DST: variants seen among roughly 807,000 people sequenced by gnomAD.
DST encodes the protein dystonin.
Under a neutral mutation model 875.2 loss-of-function variants are expected in DST, and 253 were observed. The observed-to-expected ratio is 0.29, with a 90% CI of 0.26 to 0.32. DST has a LOEUF of 0.32. Ranked by LOEUF, DST falls within the 10% of genes least tolerant of loss-of-function variation. DST has a pLI of 1.00. For synonymous variants in DST, 3,124 were observed against 3,197.1 expected, an observed-to-expected ratio of 0.98 and a Z score of 0.77; for missense variants, 8,287 against 9,111.6, an observed-to-expected ratio of 0.91 and a Z score of 3.68.
In DST at chr6:56,640,526, T is replaced by C. The variant is rs2152777614; in HGVS notation, c.2107A>G (p.Thr703Ala). The C allele has an allele frequency of 1.9e-6, 3 of 1,614,176 alleles. No individual in the cohort carries two copies. The highest frequency in any genetic ancestry group is 1.7e-6 in the Non-Finnish European group (2 of 1,180,014). ...GATATCATGAGCTTTGTCTGTTCTG[T>C]TGTCAGTATGCGTCCTTTGCTGTAC... ...SVYSKGRILTTEQTKLMISGI... is the reference protein window; with the variant it reads ...SVYSKGRILTAEQTKLMISGI... Residue 703 changes from threonine to alanine, a missense_variant, in exon 18 of 104, where the codon ACA becomes GCA. This residue lies in a region of DST where 1,160 missense variants were observed against 1,424.3 expected (regional missense o/e 0.81). Coordinates refer to ENST00000680361, the MANE Select transcript of DST (RefSeq NM_001374736.1).
At chr6:56,937,158 A>G (rs796294699) in intron 2 of DST, among the ~76,000 whole-genome samples, 17 of 152,280 alleles carry the variant, frequency 1.1e-4, no homozygotes, top group African/African-American at 3.8e-4. Flanking sequence ...TAATCCATAA[A>G]GAAAAATAAT....
At chr6:56,561,838 A>T (rs1234646740) in intron 56 of DST, among the ~76,000 whole-genome samples, 3 of 152,166 alleles carry the variant, frequency 2.0e-5, no homozygotes, top group Admixed American at 6.6e-5. Context: ...CAAGCACCAA[A>T]CTCAATAAAT....
intron 58 of DST, among the ~76,000 whole-genome samples, chr6:56,559,589 T>C (rs1225097172): frequency 6.6e-6 from 1 of 152,106 alleles, no homozygotes; most frequent in Non-Finnish European, 1.5e-5. Context: ...GTTTGAGCCA[T>C]ATACACATTA....
At chr6:56,872,832 C>CCCCCT (rs5876523) in intron 3 of DST, among the ~76,000 whole-genome samples, 1 of 127,860 alleles carries the variant, frequency 7.8e-6, no homozygotes, top group Admixed American at 7.8e-5. Flanking sequence ...TCCCCCCCCC[C>CCCCCT]TTTTTTTTTT....
intron 10 of DST, among the ~76,000 whole-genome samples, chr6:56,664,567 T>C (rs2099062535): frequency 2.0e-5 from 3 of 152,210 alleles, no homozygotes; most frequent in Admixed American, 6.5e-5. Flanking sequence ...CCTTGCCTAT[T>C]GGCTCTTGGT....
intron 69 of DST, among the ~76,000 whole-genome samples, chr6:56,520,045 A>G (rs572425270): frequency 6.6e-6 from 1 of 152,222 alleles, no homozygotes; most frequent in African/African-American, 2.4e-5. Context: ...GCAAAGAAAA[A>G]GAATATACAG....
Position 56,851,438 on chromosome 6 carries a change from G to A in DST, c.584C>T (p.Ser195Leu). The change falls in exon 4 of 104, where the codon TCA (serine) becomes TTA (leucine). Residue 195 changes from serine (S) to leucine (L), a missense_variant. Ser to Leu is a moderately radical substitution (Grantham distance 145). This residue lies in a region of DST where 1,160 missense variants were observed against 1,424.3 expected (regional missense o/e 0.81). Coordinates refer to ENST00000680361, the MANE Select transcript of DST (RefSeq NM_001374736.1). The stretch of plus-strand genomic sequence containing the variant: ...TGCCCTCTCGGCAGGGTCCAGCACT[G>A]AGCCCCCTTGAATCTTTCTTTTCGA... ...ERSKRKIQGGSVLDPAERAVL... is the reference protein window; with the variant it reads ...ERSKRKIQGGLVLDPAERAVL... 6.2e-7 allele frequency: 1 copy of A among 1,613,802 alleles called. No homozygotes were observed.
At chr6:56,896,737 C>T (rs1791504423) in intron 3 of DST, among the ~76,000 whole-genome samples, 1 of 152,220 alleles carries the variant, frequency 6.6e-6, no homozygotes, top group Non-Finnish European at 1.5e-5. Flanking sequence ...TCTCCTATGT[C>T]TGTTGGCCAT....
intron 2 of DST, among the ~76,000 whole-genome samples, chr6:56,913,473 G>A (rs1799588753): frequency 6.6e-6 from 1 of 152,116 alleles, no homozygotes; most frequent in Admixed American, 6.5e-5. Context: ...AGTTTCATTG[G>A]AACACAGCCA....
At position 56,604,702 on chromosome 6, in the gene DST, G is replaced by A. The variant is rs776998599; in HGVS notation, c.9926C>T (p.Thr3309Ile). 6.2e-7 allele frequency: 1 copy of A among 1,612,142 alleles called. No homozygotes were observed. The highest frequency in any genetic ancestry group is 1.7e-5 in the Admixed American group (1 of 59,784). ...ATTAATTTCTAAGAATGAATAGTCA[G>A]TATTTAAAGTGTTACTGGAGTTATC... ...GNDNSSNTLN[T>I]DYSFLEINNK... The change falls in exon 40 of 104, where the codon ACT becomes ATT. Residue 3309 changes from threonine (T) to isoleucine (I), a missense_variant. Physicochemically the swap from Thr to Ile is moderately conservative, Grantham distance 89. Around this residue, in one of 10 missense-constraint regions of DST, gnomAD observed 3,138 missense variants for 3,116.6 expected, o/e 1.01. Coordinates refer to ENST00000680361, the MANE Select transcript of DST (RefSeq NM_001374736.1).
chr6:56,697,356 C>G (rs778737032), intron 9 of DST, among the ~76,000 whole-genome samples: 1 of 152,112 alleles, frequency 6.6e-6, no homozygotes, highest in Admixed American at 6.5e-5. Flanking sequence ...CTGCTCATTT[C>G]TATCTATTTT....
rs369954504 is a variant in DST at position 56,631,289 on chromosome 6, G to C, written c.4064C>G (p.Pro1355Arg). The C allele has an allele frequency of 6.8e-6, 11 of 1,613,816 alleles. 1 individual carries two copies. The highest frequency in any genetic ancestry group is 2.7e-5 in the African/African-American group (2 of 74,898). ...FSQAAASSSVPTLRSELNVVL... is the reference protein window; with the variant it reads ...FSQAAASSSVRTLRSELNVVL... ...CACATTAAGCTCTGATCGTAGGGTA[G>C]GGACTGATGAAGAGGCTGCTGCTTG... Residue 1355 changes from proline to arginine, a missense_variant, in exon 30 of 104, where the codon CCT (proline) becomes CGT (arginine). Pro to Arg is a moderately radical substitution (Grantham distance 103, BLOSUM62 -2). This residue lies in a region of DST where 3,138 missense variants were observed against 3,116.6 expected (regional missense o/e 1.01). Coordinates refer to ENST00000680361, the MANE Select transcript of DST (RefSeq NM_001374736.1).
At chr6:56,917,777 G>C (rs984785877) in intron 2 of DST, among the ~76,000 whole-genome samples, 4 of 152,060 alleles carry the variant, frequency 2.6e-5, no homozygotes, top group African/African-American at 9.7e-5. Context: ...TTTCATCTTT[G>C]TGTCCTTCAT....
intron 27 of DST, among the ~76,000 whole-genome samples, 187 bp from the exon 28 acceptor site, chr6:56,633,224 A>G (rs1247002046): frequency 7.0e-6 from 1 of 143,510 alleles, no homozygotes; most frequent in Admixed American, 6.7e-5. Context: ...TTTGAGACGG[A>G]GTTTCACTCT....
At chr6:56,742,818 T>G (rs2099551933) in intron 4 of DST, among the ~76,000 whole-genome samples, 1 of 152,206 alleles carries the variant, frequency 6.6e-6, no homozygotes, top group African/African-American at 2.4e-5. Flanking sequence ...AGGATCACCT[T>G]TATAGGCTAG....
In DST at chr6:56,651,138, G is replaced by T; in HGVS notation, c.1321C>A (p.Pro441Thr). Residue 441 changes from proline (P) to threonine (T), a missense_variant, in exon 11 of 104, where the codon CCT (proline) becomes ACT (threonine). Physicochemically the swap from Pro to Thr is conservative, Grantham distance 38. Around this residue, in one of 10 missense-constraint regions of DST, gnomAD observed 1,160 missense variants for 1,424.3 expected, o/e 0.81. Coordinates refer to ENST00000680361, the MANE Select transcript of DST (RefSeq NM_001374736.1). The stretch of plus-strand genomic sequence containing the variant: ...AATCAAGAAAATAACTCACCTTCAG[G>T]GTCCAGAAGTCTTATAACACCAATT... The part of the protein sequence containing the change: ...EKIGVIRLLD[P>T]EDVDVSSPDE... 1 of 1,610,222 alleles carries T rather than the reference G, an allele frequency of 6.2e-7. No homozygotes were observed. The highest frequency in any genetic ancestry group is 8.5e-7 in the Non-Finnish European group (1 of 1,177,614).
At chr6:56,928,936 T>C (rs1172183932) in intron 2 of DST, among the ~76,000 whole-genome samples, 1 of 152,120 alleles carries the variant, frequency 6.6e-6, no homozygotes, top group Non-Finnish European at 1.5e-5. Flanking sequence ...TACCTACTGA[T>C]AGGAAAACTA....
intron 2 of DST, among the ~76,000 whole-genome samples, chr6:56,919,183 A>G (rs1802822156): frequency 1.3e-5 from 2 of 152,138 alleles, no homozygotes; most frequent in Non-Finnish European, 2.9e-5. Context: ...TTTGTTGTAC[A>G]TAAGTTTAGA....
intron 72 of DST, 83 bp from the exon 73 acceptor site, chr6:56,511,483 G>A: frequency 8.5e-7 from 1 of 1,180,948 alleles, no homozygotes; most frequent in Non-Finnish European, 1.2e-6. Flanking sequence ...GCATCCAGCT[G>A]GCAAGAAACT....
Sources: allele counts gnomAD v4.1 joint callset (sites outside exome capture counted in the v4.1 genomes callset), GRCh38; gene constraint gnomAD v4.1.1; regional missense constraint gnomAD v4.1.1; transcripts MANE v1.5; gene names NCBI Gene and HGNC (gene_info 2026-07-23, HGNC 2026-07-21).